HMGN1: variants seen among roughly 807,000 people sequenced by gnomAD.
The protein encoded by HMGN1 is non-histone chromosomal protein HMG-14.
HMGN1 carries 9 observed loss-of-function variants against 18.4 expected under a neutral mutation model. The observed-to-expected ratio is 0.49, with a 90% confidence interval of 0.29 to 0.85. The LOEUF (loss-of-function observed/expected upper bound fraction) is 0.85. Ranked by LOEUF, HMGN1 falls within the 40% of genes least tolerant of loss-of-function variation. The probability of loss-of-function intolerance (pLI) is 0.07; values close to 1 mark genes in which losing one functional copy is unlikely to be tolerated. For synonymous variants in HMGN1, 59 were observed against 45.0 expected (o/e 1.31, Z -1.24); for missense variants, 151 against 119.2 (o/e 1.27, Z -1.24).
At chr21:39,346,036 T>C in intron 4 of HMGN1, 1 of 901,128 alleles carries the variant, frequency 1.1e-6, no homozygotes, top group Non-Finnish European at 1.6e-6. Context: ...TAAAGAAACA[T>C]AAAAATACTT....
chr21:39,348,385 G>GC (rs145912612), intron 3 of HMGN1, 37 bp downstream of exon 3: 8 of 1,614,112 alleles, frequency 5.0e-6, no homozygotes, highest in Non-Finnish European at 6.8e-6. Context: ...GGGACGACCC[G>GC]CGGAAAACGA....
intron 1 of HMGN1, 160 bp from the exon 2 acceptor site, chr21:39,348,737 C>G: frequency 9.2e-6 from 10 of 1,089,786 alleles, no homozygotes; most frequent in Non-Finnish European, 1.2e-5. Context: ...CGTTCCAGAA[C>G]GCCCGCCCCC....
At position 39,342,824 on chromosome 21, in the gene HMGN1, C is replaced by G. The variant is rs757956784; in HGVS notation, c.*288G>C. The stretch of plus-strand genomic sequence containing the variant: ...TTATAGGATATAAAAACTAACCCCC[C>G]ATCTGTGGAATGTTAAGCTGACACC... On this transcript the variant is annotated 3_prime_UTR_variant, in exon 6 of 6. Transcript: ENST00000380749. 50 of 1,423,798 alleles carry G rather than the reference C, an allele frequency of 3.5e-5. No homozygotes were observed. The South Asian group carries it at 6.0e-4, about 17-fold the overall frequency. The allele number at this position is 1,423,798 out of a possible 1,614,324, so 88.2% of individuals were successfully genotyped here. A position where few individuals can be genotyped will look rare whatever the true frequency, so the allele number is the denominator to read the frequency against.
At chr21:39,345,498 A>T in intron 4 of HMGN1, 1 of 574,790 alleles carries the variant, frequency 1.7e-6, no homozygotes. Context: ...CTGTCATATT[A>T]ATGTCTATCA....
At chr21:39,344,067 T>G (rs1007059136) in intron 5 of HMGN1, among the ~76,000 whole-genome samples, 16 of 152,086 alleles carry the variant, frequency 1.1e-4, no homozygotes, top group African/African-American at 3.9e-4. Flanking sequence ...CCAGCCTGGC[T>G]AACACGGCGA....
chr21:39,345,122 C>T, intron 5 of HMGN1, 24 bp downstream of exon 5: 1 of 1,564,682 alleles, frequency 6.4e-7, no homozygotes, highest in Non-Finnish European at 8.7e-7. Context: ...CACACACACA[C>T]ACACACACAC....
At position 39,346,155 on chromosome 21, in the gene HMGN1, C is replaced by T. The variant is rs556924445; in HGVS notation, c.127-881G>A. 1.1e-5 allele frequency: 4 copies of T among 367,362 alleles called. No homozygotes were observed. In the East Asian group the frequency reaches 2.2e-4, roughly 20 times the overall value. 22.8% of individuals were successfully genotyped at this position (367,362 alleles called of 1,614,324 possible). On this transcript the variant is annotated intron_variant, in intron 4 of 5. Coordinates refer to ENST00000380749, the MANE Select transcript of HMGN1 (RefSeq NM_004965.7). ...AGCCCCCAGCGGGTGGTATAAAAGA[C>T]CCATACGGATACTGACCAATTACTT... is the stretch of plus-strand genomic sequence containing the variant.
intron 5 of HMGN1, 81 bp downstream of exon 5, chr21:39,345,065 C>T (rs2036994344): frequency 1.0e-5 from 15 of 1,433,730 alleles, no homozygotes; most frequent in Admixed American, 2.7e-5. Flanking sequence ...TTATCTGCTA[C>T]AAAAAATGTA....
rs765778037 is a variant in HMGN1, at chr21:39,345,158, C to T, written c.243G>A (p.Thr81=). 28 of 1,587,640 alleles carry T rather than the reference C, an allele frequency of 1.8e-5. No homozygotes were observed. Among genetic ancestry groups the T allele is most frequent in the Non-Finnish European group, 1.9e-5 (22 of 1,165,562 alleles). ...ACACACTTCTGACCTCCTCAGTCTT[C>T]GTTTCCCCGTTTTCCGCAGGTAAGT... ...KEDLPAENGE[T]KTEESPASDE... The change falls in exon 5 of 6, where the codon ACG becomes ACA. Residue 81 remains threonine (T), a synonymous_variant. Coordinates refer to ENST00000380749, the MANE Select transcript of HMGN1 (RefSeq NM_004965.7).
At chr21:39,345,512 A>G (rs2037020509) in intron 4 of HMGN1, 3 of 554,720 alleles carry the variant, frequency 5.4e-6, no homozygotes, top group Non-Finnish European at 9.7e-6. Context: ...TCTATCACAC[A>G]TCAGTTGATA....
intron 4 of HMGN1, 61 bp downstream of exon 4, chr21:39,348,231 G>C: frequency 2.5e-6 from 4 of 1,571,312 alleles, no homozygotes; most frequent in Non-Finnish European, 3.5e-6. Context: ...TGGAAGCCCC[G>C]CATTAAGAAG....
intron 4 of HMGN1, chr21:39,347,619 C>T (rs144156012): frequency 1.3e-5 from 5 of 389,456 alleles, no homozygotes; most frequent in Admixed American, 1.0e-4. Context: ...AATGCTATAT[C>T]CAAACACAAA....
rs188918117 is a variant in HMGN1 at position 39,345,665 on chromosome 21, C to T, written c.127-391G>A. 559 of 425,614 alleles carry T rather than the reference C, an allele frequency of 1.3e-3. 6 individuals carry two copies. The highest frequency in any genetic ancestry group is 8.8e-3 in the South Asian group (472 of 53,892). 26.4% of individuals were successfully genotyped at this position (425,614 alleles called of 1,614,324 possible). A position where few individuals can be genotyped will look rare whatever the true frequency, so the allele number is the denominator to read the frequency against. On this transcript the variant is annotated intron_variant, in intron 4 of 5. Transcript: ENST00000380749. Reference sequence around the variant, plus strand: ...AGCCCGAGCTATATTTCACCACTGTCGCCATCATCCACTATTCCCTACAGT... The same window carrying T: ...AGCCCGAGCTATATTTCACCACTGTTGCCATCATCCACTATTCCCTACAGT...
rs548909561 is a variant in HMGN1 at position 39,345,776 on chromosome 21, A to G, written c.127-502T>C. On this transcript the variant is annotated intron_variant, in intron 4 of 5. Transcript: ENST00000380749. ...CCACCCATCCCCAAATTTGTTGTGAACTTCAACAATACTGTCCTCACAAGA... is the reference window on the plus strand; with the variant it reads ...CCACCCATCCCCAAATTTGTTGTGAGCTTCAACAATACTGTCCTCACAAGA... 7 of 1,277,578 alleles carry G rather than the reference A, an allele frequency of 5.5e-6. No individual in the cohort carries two copies. The East Asian group carries it at 3.3e-4, about 61-fold the overall frequency. 79.1% of individuals were successfully genotyped at this position (1,277,578 alleles called of 1,614,324 possible).
rs746332703 is a variant in HMGN1 at position 39,345,940 on chromosome 21, A to ATT, written c.127-668_127-667dup. 36 of 1,301,998 alleles carry ATT rather than the reference A, an allele frequency of 2.8e-5. No homozygotes were observed. The South Asian group carries it at 3.0e-4, about 11-fold the overall frequency. The allele number at this position is 1,301,998 out of a possible 1,614,324, so 80.7% of individuals were successfully genotyped here. ...GATCAGTTTTGAATTTATCACTTTC[A>ATT]TTTAGGTGTTTGAAGAATCTGAAAA... On this transcript the variant is annotated intron_variant, in intron 4 of 5. Transcript: ENST00000380749.
At chr21:39,347,136 G>C (rs2037084561) in intron 4 of HMGN1, 1 of 170,324 alleles carries the variant, frequency 5.9e-6, no homozygotes, top group Non-Finnish European at 1.2e-5. Context: ...AACAAGGTCA[G>C]CTAATTTTTT....
In HMGN1 at chr21:39,345,946, G is replaced by A. The variant is rs761776663; in HGVS notation, c.127-672C>T. 3.1e-6 allele frequency: 4 copies of A among 1,301,644 alleles called. No homozygotes were observed. The South Asian group carries it at 3.7e-5, about 12-fold the overall frequency. 80.6% of individuals were successfully genotyped at this position (1,301,644 alleles called of 1,614,324 possible). A position where few individuals can be genotyped will look rare whatever the true frequency, so the allele number is the denominator to read the frequency against. On this transcript the variant is annotated intron_variant, in intron 4 of 5. Transcript: ENST00000380749. ...TTTTGAATTTATCACTTTCATTTAG[G>A]TGTTTGAAGAATCTGAAAAGCACAG...
rs373249932 is a variant in HMGN1 at position 39,343,130 on chromosome 21, T to C, written c.285A>G (p.Lys95=). 1.8e-4 allele frequency: 288 copies of C among 1,595,708 alleles called. No homozygotes were observed. Among genetic ancestry groups the C allele is most frequent in the Non-Finnish European group, 1.2e-4 (137 of 1,168,280 alleles). The change falls in exon 6 of 6, where the codon AAA becomes AAG. Residue 95 remains lysine, a synonymous_variant. Coordinates refer to ENST00000380749, the MANE Select transcript of HMGN1 (RefSeq NM_004965.7). ...ESPASDEAGE[K]EAKSD ...ATGGTTATTAATCAGACTTGGCTTC[T>C]TTCTCTCCTGCTTCATCAGAGGCTG...
intron 4 of HMGN1, chr21:39,348,060 T>C: frequency 1.0e-6 from 1 of 998,262 alleles, no homozygotes; most frequent in Non-Finnish European, 1.4e-6. Context: ...ATATTTAATA[T>C]TTTTTGTCGT....
Sources: gnomAD v4.1 joint callset for allele counts (sites outside exome capture counted in the v4.1 genomes callset) on GRCh38, gnomAD v4.1.1 for gene constraint, MANE v1.5 for transcripts, NCBI Gene and HGNC (gene_info 2026-07-23, HGNC 2026-07-21) for gene names.